PPP1R12B: variants seen among roughly 807,000 people sequenced by gnomAD.
The protein encoded by PPP1R12B is myosin phosphatase target subunit 2.
In PPP1R12B, 76 loss-of-function variants were observed where a neutral mutation model predicts 126.1. The ratio of observed to expected loss-of-function variants is 0.60; its 90% CI spans 0.50 to 0.73. The LOEUF (loss-of-function observed/expected upper bound fraction) is 0.73. Among genes scored for constraint, PPP1R12B ranks in the 30% least tolerant of loss-of-function variants. The pLI is 0.00. For missense variants in PPP1R12B, 1,052 were observed against 1,205.1 expected, an observed-to-expected ratio of 0.87 and a Z score of 1.88; for synonymous variants, 356 against 434.7, an observed-to-expected ratio of 0.82 and a Z score of 2.25.
chr1:202,350,367 G>A lies in PPP1R12B; in HGVS notation c.291+1225G>A, dbSNP rs1004325551. On this transcript the variant is annotated intron_variant, in intron 1 of 23. Coordinates refer to ENST00000608999, the MANE Select transcript of PPP1R12B (RefSeq NM_002481.4). The stretch of plus-strand genomic sequence containing the variant: ...TTTCAGCAGTGATCCTTTGAAGTAG[G>A]TGTGGCAGGTAGTGTTGTTATTCTC... 3.3e-5 allele frequency among the ~76,000 whole-genome samples: 5 copies of A among 152,112 alleles called. No individual in the cohort carries two copies. The South Asian group carries it at 6.2e-4, about 19-fold the overall frequency.
At chr1:202,411,852 C>A (rs1156650881) in intron 1 of PPP1R12B, among the ~76,000 whole-genome samples, 5 of 152,126 alleles carry the variant, frequency 3.3e-5, no homozygotes, top group Admixed American at 2.6e-4. Context: ...ATTTATTTTA[C>A]AAATAGAGAT....
intron 13 of PPP1R12B, chr1:202,462,689 A>G (rs1674467856): frequency 2.2e-6 from 2 of 895,484 alleles, no homozygotes; most frequent in African/African-American, 3.6e-5. Flanking sequence ...TTCAGCCCTC[A>G]TTCAACCCTC....
chr1:202,416,430 G>A (rs1374585587), intron 1 of PPP1R12B, among the ~76,000 whole-genome samples: 1 of 151,372 alleles, frequency 6.6e-6, no homozygotes, highest in Non-Finnish European at 1.5e-5. Context: ...GGAGGCTGAG[G>A]CAGGAGAATC....
chr1:202,430,827 T>C lies in PPP1R12B; in HGVS notation c.1001+17T>C. The stretch of plus-strand genomic sequence containing the variant: ...CTTTAAGAAGTAAGACATTTAGGCT[T>C]GAGTAATGGGATGAGCTTTGCTCTG... On this transcript the variant is annotated intron_variant, in intron 7 of 23. Transcript: ENST00000608999. 6.2e-7 allele frequency: 1 copy of C among 1,609,788 alleles called. No individual in the cohort carries two copies. The highest frequency in any genetic ancestry group is 8.5e-7 in the Non-Finnish European group (1 of 1,177,432).
chr1:202,365,168 G>A (rs1418290231), intron 1 of PPP1R12B, among the ~76,000 whole-genome samples: 4 of 152,022 alleles, frequency 2.6e-5, no homozygotes, highest in Non-Finnish European at 5.9e-5. Flanking sequence ...TAAGTACTGT[G>A]GCCAGCTTTA....
chr1:202,492,914 C>A (rs183741141), intron 14 of PPP1R12B, among the ~76,000 whole-genome samples, 200 bp from the exon 15 acceptor site: 2 of 152,244 alleles, frequency 1.3e-5, no homozygotes, highest in Admixed American at 1.3e-4. Flanking sequence ...TTAAAATGTA[C>A]CTAGACTCAG....
At position 202,449,017 on chromosome 1, in the gene PPP1R12B, A is replaced by G; in HGVS notation, c.1696A>G (p.Thr566Ala). 1.9e-6 allele frequency: 3 copies of G among 1,613,858 alleles called. No homozygotes were observed. The highest frequency in any genetic ancestry group is 1.7e-4 in the Middle Eastern group (1 of 6,056). ...RTPHKSQADT[T>A]AEKTADNVSS... ...TCCTCACAAATCCCAGGCCGACACA[A>G]CAGCAGAGAAAACAGCAGACAATGT... Residue 566 changes from threonine (T) to alanine (A), a missense_variant, in exon 13 of 24, where the codon ACA (threonine) becomes GCA (alanine). Thr to Ala is a moderately conservative substitution (Grantham distance 58). Coordinates refer to ENST00000608999, the MANE Select transcript of PPP1R12B (RefSeq NM_002481.4).
At chr1:202,367,172 G>T (rs1226973434) in intron 1 of PPP1R12B, among the ~76,000 whole-genome samples, 4 of 152,190 alleles carry the variant, frequency 2.6e-5, no homozygotes, top group Non-Finnish European at 5.9e-5. Flanking sequence ...TGATTGGGAA[G>T]ATCTGATATA....
At position 202,431,526 on chromosome 1, in the gene PPP1R12B, A is replaced by G; in HGVS notation, c.1048A>G (p.Met350Val). The G allele has an allele frequency of 1.9e-6, 3 of 1,613,552 alleles. No homozygotes were observed. The highest frequency in any genetic ancestry group is 2.5e-6 in the Non-Finnish European group (3 of 1,179,806). The change falls in exon 8 of 24, where the codon ATG becomes GTG. Residue 350 changes from methionine to valine, a missense_variant. By Grantham distance (21) the Met-to-Val change is conservative. Coordinates refer to ENST00000608999, the MANE Select transcript of PPP1R12B (RefSeq NM_002481.4). The stretch of plus-strand genomic sequence containing the variant: ...GGAGGAGACACCTAAGTCCCAAGAA[A>G]TGGAGGAAGAAAATAAAGAATCTAG... ...YEEETPKSQE[M>V]EEENKESSSS... is the part of the protein sequence containing the mutation.
At chr1:202,367,220 A>C (rs1488347312) in intron 1 of PPP1R12B, among the ~76,000 whole-genome samples, 1 of 152,222 alleles carries the variant, frequency 6.6e-6, no homozygotes, top group Non-Finnish European at 1.5e-5. Flanking sequence ...GTAAGCATTC[A>C]GTAAATATTG....
At chr1:202,485,841 G>A (rs1368700869) in intron 13 of PPP1R12B, among the ~76,000 whole-genome samples, 1 of 152,102 alleles carries the variant, frequency 6.6e-6, no homozygotes, top group African/African-American at 2.4e-5. Flanking sequence ...CCATCCTGCT[G>A]ACATCACTCC....
At chr1:202,499,583 G>A (rs1679970851) in intron 18 of PPP1R12B, among the ~76,000 whole-genome samples, 1 of 152,320 alleles carries the variant, frequency 6.6e-6, no homozygotes, top group Admixed American at 6.5e-5. Context: ...TGGTAGAAAG[G>A]AAGCTTCAAC....
chr1:202,470,223 A>G (rs983583147), intron 13 of PPP1R12B, among the ~76,000 whole-genome samples: 6 of 152,162 alleles, frequency 3.9e-5, no homozygotes, highest in Non-Finnish European at 5.9e-5. Context: ...TCTGACCTCT[A>G]TTCTCTCTCT....
At chr1:202,461,087 G>A (rs1363308442) in intron 13 of PPP1R12B, among the ~76,000 whole-genome samples, 1 of 151,970 alleles carries the variant, frequency 6.6e-6, no homozygotes, top group Non-Finnish European at 1.5e-5. Flanking sequence ...GGGGCATGGT[G>A]GCTGACACCT....
chr1:202,559,522 A>G (rs1687304154), intron 19 of PPP1R12B, among the ~76,000 whole-genome samples: 2 of 152,236 alleles, frequency 1.3e-5, no homozygotes, highest in Admixed American at 1.3e-4. Context: ...TTCACCTAGT[A>G]TCTAAGGGTA....
At chr1:202,388,601 C>G (rs1282127196) in intron 1 of PPP1R12B, among the ~76,000 whole-genome samples, 1 of 152,080 alleles carries the variant, frequency 6.6e-6, no homozygotes, top group African/African-American at 2.4e-5. Flanking sequence ...AGTATTGTAT[C>G]ATCTCTCTTT....
chr1:202,512,432 A>G (rs1259823196), intron 18 of PPP1R12B, among the ~76,000 whole-genome samples: 1 of 152,070 alleles, frequency 6.6e-6, no homozygotes, highest in African/African-American at 2.4e-5. Context: ...GAGCAGTCCC[A>G]AGGTATTTGG....
intron 2 of PPP1R12B, among the ~76,000 whole-genome samples, chr1:202,420,070 T>G (rs978585276): frequency 6.6e-6 from 1 of 152,272 alleles, no homozygotes; most frequent in Non-Finnish European, 1.5e-5. Context: ...GATATTTAAC[T>G]TTTTATCTAT....
chr1:202,446,377 C>A (rs2148709912), intron 12 of PPP1R12B, among the ~76,000 whole-genome samples: 1 of 147,380 alleles, frequency 6.8e-6, no homozygotes, highest in Middle Eastern at 3.6e-3. Flanking sequence ...CCTCAGCCTC[C>A]CGAGTAGCTG....
Sources: gnomAD v4.1 joint callset for allele counts (sites outside exome capture counted in the v4.1 genomes callset) on GRCh38, gnomAD v4.1.1 for gene constraint, MANE v1.5 for transcripts, NCBI Gene and HGNC (gene_info 2026-07-23, HGNC 2026-07-21) for gene names.